ANK2: variants seen among roughly 807,000 people sequenced by gnomAD.
The protein encoded by ANK2 is ankyrin 2.
In ANK2, 83 loss-of-function variants were observed where a neutral mutation model predicts 360.5. That is an observed-to-expected ratio of 0.23 (90% CI 0.19 to 0.28). The LOEUF is 0.28. ANK2 is among the 10% of genes least tolerant of loss of function. The probability of loss-of-function intolerance (pLI) is 1.00; values close to 1 mark genes in which losing one functional copy is unlikely to be tolerated. For missense variants in ANK2, 4,201 were observed against 4,795.7 expected (o/e 0.88, Z 3.66); for synonymous variants, 1,740 against 1,759.5 (o/e 0.99, Z 0.28).
intron 4 of ANK2, among the ~76,000 whole-genome samples, chr4:113,229,971 C>G (rs879359795): frequency 6.6e-6 from 1 of 152,132 alleles, no homozygotes; most frequent in African/African-American, 2.4e-5. Flanking sequence ...ATGAAAGAGC[C>G]CCATTCCACA....
At chr4:112,967,656 T>C (rs945637580) in intron 2 of ANK2, among the ~76,000 whole-genome samples, 1 of 152,228 alleles carries the variant, frequency 6.6e-6, no homozygotes, top group Non-Finnish European at 1.5e-5. Flanking sequence ...AATGATTGAA[T>C]GTCTTCTTTA....
At chr4:112,712,308 A>G in the ANK2 span, among the ~76,000 whole-genome samples, 1 of 150,028 alleles carries the variant, frequency 6.7e-6, no homozygotes, top group African/African-American at 2.4e-5. Context: ...TCGAACTTCT[A>G]ACCTCAGGTG....
chr4:113,354,353 A>G lies in ANK2; in HGVS notation c.5735A>G (p.Lys1912Arg). The G allele has an allele frequency of 1.2e-6, 2 of 1,614,070 alleles. No homozygotes were observed. Among genetic ancestry groups the G allele is most frequent in the Non-Finnish European group, 8.5e-7 (1 of 1,179,974 alleles). ...GTTTCGCCTTCAGGCAAAACAGACA[A>G]ACGTCCACCTGTATCGCCCTCCGGG... ...PPVSPSGKTD[K>R]RPPVSPSGRT... is the part of the protein sequence containing the mutation. The change falls in exon 38 of 46, where the codon AAA becomes AGA. Residue 1912 changes from lysine (K) to arginine (R), a missense_variant. This residue lies in a region of ANK2 where 2,642 missense variants were observed against 2,714.5 expected (regional missense o/e 0.97). Transcript: ENST00000357077.
At chr4:112,810,874 T>G in the ANK2 span, among the ~76,000 whole-genome samples, 1 of 151,782 alleles carries the variant, frequency 6.6e-6, no homozygotes, top group Non-Finnish European at 1.5e-5. Flanking sequence ...TTGTTGTTGT[T>G]GTTTTGTTAC....
intron 1 of ANK2, among the ~76,000 whole-genome samples, chr4:113,155,272 A>G (rs1323743924): frequency 1.3e-5 from 2 of 152,214 alleles, no homozygotes; most frequent in Non-Finnish European, 2.9e-5. Flanking sequence ...ACATAATCCA[A>G]TCCACATATT....
At chr4:112,785,004 A>G in the ANK2 span, among the ~76,000 whole-genome samples, 1 of 152,208 alleles carries the variant, frequency 6.6e-6, no homozygotes, top group Admixed American at 6.5e-5. Context: ...AAATAAAACA[A>G]GAGGAAAATA....
intron 1 of ANK2, among the ~76,000 whole-genome samples, chr4:112,840,185 A>G (rs1290970597): frequency 6.6e-6 from 1 of 152,190 alleles, no homozygotes; most frequent in Non-Finnish European, 1.5e-5. Context: ...GATCAACTGC[A>G]TATTCAGCTA....
At chr4:112,985,762 A>G (rs548714094) in intron 2 of ANK2, among the ~76,000 whole-genome samples, 153 of 152,210 alleles carry the variant, frequency 1.0e-3, no homozygotes, top group African/African-American at 3.5e-3. Flanking sequence ...AGGATGTGGG[A>G]CTGAAGATTC....
intron 1 of ANK2, among the ~76,000 whole-genome samples, chr4:112,851,540 A>G (rs2064990589): frequency 6.6e-6 from 1 of 152,172 alleles, no homozygotes; most frequent in Non-Finnish European, 1.5e-5. Context: ...TCCACTTGCT[A>G]GGTTTCGCTA....
At chr4:112,972,048 T>G (rs2039729784) in intron 2 of ANK2, among the ~76,000 whole-genome samples, 2 of 152,184 alleles carry the variant, frequency 1.3e-5, no homozygotes, top group African/African-American at 4.8e-5. Flanking sequence ...CCAAGGGTAG[T>G]GTTAAGGGAG....
the ANK2 span, among the ~76,000 whole-genome samples, chr4:112,759,002 CCT>C: frequency 6.6e-6 from 1 of 151,984 alleles, no homozygotes; most frequent in African/African-American, 2.4e-5. Context: ...TTCCTATGGT[CCT>C]TTTTATACTT....
intron 9 of ANK2, among the ~76,000 whole-genome samples, chr4:113,248,374 T>A (rs150896605): frequency 1.8e-4 from 27 of 152,104 alleles, no homozygotes; most frequent in Non-Finnish European, 3.7e-4. Context: ...CCCCAGAACT[T>A]CAAAGGAGAG....
In ANK2 at chr4:113,265,276, G is replaced by A. The variant is rs2301715; in HGVS notation, c.1485+281G>A. ...GATATTTTAATACTGTTTTAACCTC[G>A]GAAAGCACTTTCTCATATCTCTTTA... On this transcript the variant is annotated intron_variant, in intron 14 of 45. Transcript: ENST00000357077. Among the ~76,000 whole-genome samples the A allele has an allele frequency of 9.8e-4, 149 of 152,022 alleles. 1 individual carries two copies. The East Asian group carries it at 0.019, about 19-fold the overall frequency.
chr4:112,708,036 T>G, the ANK2 span, among the ~76,000 whole-genome samples: 5 of 152,210 alleles, frequency 3.3e-5, no homozygotes, highest in East Asian at 9.6e-4. Flanking sequence ...TTATTGGTCC[T>G]TCCAGTCTAC....
intron 1 of ANK2, among the ~76,000 whole-genome samples, chr4:112,871,692 C>T (rs376846988): frequency 2.6e-5 from 4 of 152,056 alleles, no homozygotes; most frequent in African/African-American, 7.2e-5. Context: ...TTTTTGAAAA[C>T]GTTCAGGCTT....
chr4:112,832,271 T>C (rs924061462), intron 1 of ANK2, among the ~76,000 whole-genome samples: 2 of 152,190 alleles, frequency 1.3e-5, no homozygotes, highest in Non-Finnish European at 2.9e-5. Flanking sequence ...CAGGCTGGGT[T>C]CTAAATCCTG....
At chr4:112,748,859 C>T in the ANK2 span, among the ~76,000 whole-genome samples, 6 of 152,118 alleles carry the variant, frequency 3.9e-5, no homozygotes, top group Non-Finnish European at 8.8e-5. Flanking sequence ...AGAGATTGTC[C>T]TTTAAAATAA....
At chr4:113,094,090 A>T (rs683696) in intron 1 of ANK2, among the ~76,000 whole-genome samples, 2,692 of 152,312 alleles carry the variant, frequency 0.018, 75 homozygotes, top group African/African-American at 0.062. Context: ...TCAATTATTA[A>T]TGATAAATCT....
At position 112,847,713 on chromosome 4, in the gene ANK2, T is replaced by TC. The variant is rs145714810; in HGVS notation, c.-40+29450dup. Among the ~76,000 whole-genome samples the TC allele has an allele frequency of 8.5e-3, 1,297 of 152,260 alleles. 20 individuals carry two copies. Among genetic ancestry groups the TC allele is most frequent in the African/African-American group, 0.03 (1,237 of 41,558 alleles). ...TAAAATAAAGCCTATATAAACCCCT[T>TC]CAATATATAAAAAAATAAATAAATG... On this transcript the variant is annotated intron_variant, in intron 1 of 30. Transcript: ENST00000503271.
Sources: allele counts gnomAD v4.1 joint callset (sites outside exome capture counted in the v4.1 genomes callset), GRCh38; gene constraint gnomAD v4.1.1; regional missense constraint gnomAD v4.1.1; transcripts MANE v1.5; gene names NCBI Gene and HGNC (gene_info 2026-07-23, HGNC 2026-07-21).